BTBD1: variants seen among roughly 807,000 people sequenced by gnomAD.
BTBD1 encodes BTB domain containing 1.
In BTBD1, 34 loss-of-function variants were observed where a neutral mutation model predicts 48.0. The ratio of observed to expected loss-of-function variants is 0.71; its 90% CI spans 0.54 to 0.94. The LOEUF is 0.94. Among genes scored for constraint, BTBD1 ranks in the 40% least tolerant of loss-of-function variants. BTBD1 has a pLI of 0.00. For missense variants in BTBD1, 543 were observed against 625.6 expected (o/e 0.87, Z 1.41); for synonymous variants, 261 against 242.1 (o/e 1.08, Z -0.72).
rs537712598 is a variant in BTBD1 at position 83,056,242 on chromosome 15, G to A, written c.558+147C>T. The A allele has an allele frequency of 5.4e-6, 3 of 558,366 alleles. No homozygotes were observed. In the South Asian group the frequency reaches 9.1e-5, roughly 17 times the overall value. The allele number at this position is 558,366 out of a possible 1,614,324, so 34.6% of individuals were successfully genotyped here. On this transcript the variant is annotated intron_variant, in intron 2 of 7. Coordinates refer to ENST00000261721, the MANE Select transcript of BTBD1 (RefSeq NM_025238.4). ...TTCAATTCTAAAATCTTACATATCT[G>A]ACATGTTTCCCTGATTTGTATTATA...
intron 3 of BTBD1, among the ~76,000 whole-genome samples, chr15:83,045,105 A>C (rs2032851637): frequency 1.3e-5 from 2 of 152,262 alleles, no homozygotes; most frequent in African/African-American, 4.8e-5. Flanking sequence ...TTTAAATAAA[A>C]ATGAGTATGC....
In BTBD1 at chr15:83,067,013, T is replaced by C; in HGVS notation, c.139A>G (p.Asn47Asp). 1 of 1,584,256 alleles carries C rather than the reference T, an allele frequency of 6.3e-7. No homozygotes were observed. Among genetic ancestry groups the C allele is most frequent in the East Asian group, 2.5e-5 (1 of 40,396 alleles). The change falls in exon 1 of 8, where the codon AAC becomes GAC. Residue 47 changes from asparagine (N) to aspartate (D), a missense_variant. Asn to Asp is a conservative substitution (Grantham distance 23). This residue lies in a region of BTBD1 where 173 missense variants were observed against 163.9 expected (regional missense o/e 1.06). Coordinates refer to ENST00000261721, the MANE Select transcript of BTBD1 (RefSeq NM_025238.4). Reference sequence around the variant, plus strand: ...AGCGACGCCTTGGTCGCCTGCCAGTTGTAGAGAGGTTCCCGCTGCAGGGGG... The same window carrying C: ...AGCGACGCCTTGGTCGCCTGCCAGTCGTAGAGAGGTTCCCGCTGCAGGGGG... ...LLPLQREPLY[N>D]WQATKASLKE...
chr15:83,043,264 G>A (rs1419430343), intron 3 of BTBD1, among the ~76,000 whole-genome samples: 1 of 152,196 alleles, frequency 6.6e-6, no homozygotes, highest in African/African-American at 2.4e-5. Context: ...AGGACTAAAA[G>A]TACAAAGGCT....
In BTBD1 at chr15:83,018,762, T is replaced by C; in HGVS notation, c.1235A>G (p.Lys412Arg). 1.2e-6 allele frequency: 2 copies of C among 1,614,136 alleles called. No individual in the cohort carries two copies. Among genetic ancestry groups the C allele is most frequent in the Non-Finnish European group, 1.7e-6 (2 of 1,179,998 alleles). Residue 412 changes from lysine to arginine, a missense_variant, in exon 7 of 8, where the codon AAG becomes AGG. By Grantham distance (26) the Lys-to-Arg change is conservative (BLOSUM62 2). Around this residue, in one of 3 missense-constraint regions of BTBD1, gnomAD observed 300 missense variants for 350.0 expected, o/e 0.86. Coordinates refer to ENST00000261721, the MANE Select transcript of BTBD1 (RefSeq NM_025238.4). ...ATTGGGCAGGATCTCTATGGGTTCC[T>C]TGAACATGACCCTGAATGTGTTAGC... is the stretch of plus-strand genomic sequence containing the variant. ...GTANTFRVMFKEPIEILPNVC... is the reference protein window; with the variant it reads ...GTANTFRVMFREPIEILPNVC...
At chr15:83,047,903 A>C (rs2032908974) in intron 3 of BTBD1, among the ~76,000 whole-genome samples, 1 of 152,202 alleles carries the variant, frequency 6.6e-6, no homozygotes, top group African/African-American at 2.4e-5. Flanking sequence ...TGGATGTGGG[A>C]AGACACTGGA....
intron 5 of BTBD1, among the ~76,000 whole-genome samples, chr15:83,022,029 C>A (rs980881587): frequency 6.6e-6 from 1 of 151,888 alleles, no homozygotes; most frequent in Non-Finnish European, 1.5e-5. Flanking sequence ...AGTAAGATCA[C>A]CTTAAACGCT....
intron 1 of BTBD1, among the ~76,000 whole-genome samples, chr15:83,063,825 C>A (rs1001871790): frequency 2.0e-5 from 3 of 152,212 alleles, no homozygotes; most frequent in African/African-American, 7.2e-5. Context: ...GTGCCGAAAA[C>A]AATGCGTTCC....
chr15:83,036,539 G>A (rs1040760777), intron 4 of BTBD1, among the ~76,000 whole-genome samples: 2 of 152,122 alleles, frequency 1.3e-5, no homozygotes, highest in East Asian at 1.9e-4. Flanking sequence ...TACTAAAGCC[G>A]ACCATATGCA....
chr15:83,062,706 G>C (rs2033195620), intron 1 of BTBD1, among the ~76,000 whole-genome samples: 1 of 151,306 alleles, frequency 6.6e-6, no homozygotes, highest in South Asian at 2.1e-4. Context: ...TGAGGGTCTG[G>C]AGCTAAGTAG....
chr15:83,023,991 C>G (rs866732875), intron 5 of BTBD1: 1 of 152,204 alleles, frequency 6.6e-6, no homozygotes, highest in Non-Finnish European at 1.5e-5. Flanking sequence ...ACTCAGCCCC[C>G]ACAAGTAGCT....
At chr15:83,044,617 CTG>C in intron 3 of BTBD1, 1 of 1,576,506 alleles carries the variant, frequency 6.3e-7, no homozygotes, top group African/African-American at 1.3e-5. Flanking sequence ...AAAACTCAGA[CTG>C]TGTGCAGCTT....
intron 2 of BTBD1, among the ~76,000 whole-genome samples, chr15:83,054,012 T>C (rs2033038907): frequency 6.6e-6 from 1 of 152,210 alleles, no homozygotes; most frequent in Non-Finnish European, 1.5e-5. Flanking sequence ...TTAACTTCTG[T>C]AAGCTTCCAT....
intron 1 of BTBD1, among the ~76,000 whole-genome samples, chr15:83,057,041 T>C (rs1386402062): frequency 6.6e-6 from 1 of 152,118 alleles, no homozygotes; most frequent in Non-Finnish European, 1.5e-5. Context: ...TAAGGCACAG[T>C]CCCTCATGGC....
intron 4 of BTBD1, among the ~76,000 whole-genome samples, chr15:83,033,813 A>G (rs1463679658): frequency 6.6e-6 from 1 of 152,078 alleles, no homozygotes; most frequent in East Asian, 1.9e-4. Flanking sequence ...ACTCGACTCA[A>G]ACAATCTACC....
At chr15:83,028,229 T>C (rs1051190968) in intron 5 of BTBD1, among the ~76,000 whole-genome samples, 8 of 152,216 alleles carry the variant, frequency 5.3e-5, no homozygotes, top group African/African-American at 1.9e-4. Context: ...ACAAGTATTC[T>C]TCTAGGCCTA....
At chr15:83,045,616 C>T (rs1284774810) in intron 3 of BTBD1, among the ~76,000 whole-genome samples, 1 of 152,124 alleles carries the variant, frequency 6.6e-6, no homozygotes, top group East Asian at 1.9e-4. Flanking sequence ...ATCATAGTCC[C>T]AAGAACACAG....
chr15:83,051,176 T>A, intron 2 of BTBD1, among the ~76,000 whole-genome samples: 1 of 152,182 alleles, frequency 6.6e-6, no homozygotes, highest in Non-Finnish European at 1.5e-5. Flanking sequence ...TTAGTTCTCT[T>A]CACATTTTAG....
At chr15:83,028,548 CA>C (rs1199948348) in intron 5 of BTBD1, 4 of 151,986 alleles carry the variant, frequency 2.6e-5, no homozygotes, top group Non-Finnish European at 5.9e-5. Context: ...AATAATTAAC[CA>C]AGTAGTACTT....
intron 3 of BTBD1, among the ~76,000 whole-genome samples, chr15:83,042,351 TATA>T (rs2032779724): frequency 3.3e-5 from 3 of 90,100 alleles, no homozygotes; most frequent in Non-Finnish European, 6.0e-5. Flanking sequence ...GGCAATTTTA[TATA>T]TATATATATA....
Sources: gnomAD v4.1 joint callset for allele counts (sites outside exome capture counted in the v4.1 genomes callset) on GRCh38, gnomAD v4.1.1 for gene constraint, gnomAD v4.1.1 regional missense constraint, MANE v1.5 for transcripts, NCBI Gene and HGNC (gene_info 2026-07-23, HGNC 2026-07-21) for gene names.